ZBTB8B: variants seen among roughly 807,000 people sequenced by gnomAD.
ZBTB8B encodes the protein zinc finger and BTB domain-containing protein 8B.
In ZBTB8B, 17 loss-of-function variants were observed where a neutral mutation model predicts 30.3. The observed-to-expected ratio is 0.56, with a 90% CI of 0.38 to 0.84. ZBTB8B has a LOEUF of 0.84. Among genes scored for constraint, ZBTB8B ranks in the 40% least tolerant of loss-of-function variants. The pLI is 0.00. For synonymous variants in ZBTB8B, 248 were observed against 255.6 expected, an observed-to-expected ratio of 0.97 and a Z score of 0.28; for missense variants, 515 against 644.9, an observed-to-expected ratio of 0.80 and a Z score of 2.18.
intron 2 of ZBTB8B, among the ~76,000 whole-genome samples, chr1:32,478,856 G>C (rs879813278): frequency 1.6e-4 from 25 of 152,210 alleles, no homozygotes; most frequent in Admixed American, 2.6e-4. Context: ...AGTGTTGACA[G>C]AGACCACAAG....
Position 32,480,924 on chromosome 1 carries a change from A to G in ZBTB8B, c.1025A>G (p.Lys342Arg), listed in dbSNP as rs943901700. 2 of 1,551,902 alleles carry G rather than the reference A, an allele frequency of 1.3e-6. No homozygotes were observed. Among genetic ancestry groups the G allele is most frequent in the African/African-American group, 2.7e-5 (2 of 73,056 alleles). ...CTGGTGGTCCCCATCAAGCTCCACAAGTGTCCTTTCTGCCCTTACACTGCC... is the reference window on the plus strand; with the variant it reads ...CTGGTGGTCCCCATCAAGCTCCACAGGTGTCCTTTCTGCCCTTACACTGCC... ...DVLVVPIKLH[K>R]CPFCPYTAKQ... is the part of the protein sequence containing the mutation. The change falls in exon 3 of 4, where the codon AAG (lysine) becomes AGG (arginine). Residue 342 changes from lysine to arginine, a missense_variant. Physicochemically the swap from Lys to Arg is conservative, Grantham distance 26. Transcript: ENST00000609129.
chr1:32,473,271 A>C (rs1643637627), intron 2 of ZBTB8B, among the ~76,000 whole-genome samples: 2 of 151,748 alleles, frequency 1.3e-5, no homozygotes, highest in Non-Finnish European at 2.9e-5. Context: ...GTGCCACCAC[A>C]CTCCAGCCTG....
chr1:32,467,340 C>CT (rs1185590824), intron 1 of ZBTB8B, among the ~76,000 whole-genome samples: 18 of 151,766 alleles, frequency 1.2e-4, no homozygotes, highest in Admixed American at 4.6e-4. Context: ...CCTCCACCGC[C>CT]TCCTGGGTTC....
In ZBTB8B at chr1:32,494,811, T is replaced by C. The variant is rs894236431; in HGVS notation, c.*9393T>C. 3.3e-5 allele frequency: 5 copies of C among 152,194 alleles called. No individual in the cohort carries two copies. Among genetic ancestry groups the C allele is most frequent in the Non-Finnish European group, 7.4e-5 (5 of 68,024 alleles). The allele number at this position is 152,194 out of a possible 1,614,324, so 9.4% of individuals were successfully genotyped here. A position where few individuals can be genotyped will look rare whatever the true frequency, so the allele number is the denominator to read the frequency against. ...CCTCGCTGATTTTTTTCCTTCTTTCTTTTTTGAGACAGAGTTCCACTCTGT... is the reference window on the plus strand; with the variant it reads ...CCTCGCTGATTTTTTTCCTTCTTTCCTTTTTGAGACAGAGTTCCACTCTGT... On this transcript the variant is annotated 3_prime_UTR_variant, in exon 4 of 4. Transcript: ENST00000609129.
intron 2 of ZBTB8B, among the ~76,000 whole-genome samples, chr1:32,476,361 G>C (rs554406635): frequency 6.6e-6 from 1 of 152,104 alleles, no homozygotes; most frequent in East Asian, 1.9e-4. Context: ...CTCTGCACAA[G>C]CCTCAATCCC....
chr1:32,469,070 A>AGT (rs1488243870), intron 1 of ZBTB8B, among the ~76,000 whole-genome samples: 17 of 151,388 alleles, frequency 1.1e-4, no homozygotes, highest in Non-Finnish European at 2.2e-4. Flanking sequence ...AGTGGTATGC[A>AGT]CCTGTAGTCC....
chr1:32,496,600 C>T lies in ZBTB8B; in HGVS notation c.*11182C>T, dbSNP rs1037706314. The stretch of plus-strand genomic sequence containing the variant: ...GGTCTGTTTATATAGGTCAGTGTTG[C>T]CCAGGTTGTATTGTTTTGCTGTTTT... On this transcript the variant is annotated 3_prime_UTR_variant, in exon 4 of 4. Coordinates refer to ENST00000609129, the MANE Select transcript of ZBTB8B (RefSeq NM_001145720.2). 2.0e-5 allele frequency: 3 copies of T among 152,064 alleles called. No homozygotes were observed. Among genetic ancestry groups the T allele is most frequent in the Non-Finnish European group, 4.4e-5 (3 of 68,020 alleles). The allele number at this position is 152,064 out of a possible 1,614,324, so 9.4% of individuals were successfully genotyped here.
rs547419445 is a variant in ZBTB8B, at chr1:32,492,174, A to C, written c.*6756A>C. 1 of 152,110 alleles carries C rather than the reference A, an allele frequency of 6.6e-6. No individual in the cohort carries two copies. The highest frequency in any genetic ancestry group is 2.1e-4 in the South Asian group (1 of 4,796). 9.4% of individuals were successfully genotyped at this position (152,110 alleles called of 1,614,324 possible). ...TTGGTGTCACTCATAATAGGTGAGTATAGTATGTCGTACTGTAGGGACATT... is the reference window on the plus strand; with the variant it reads ...TTGGTGTCACTCATAATAGGTGAGTCTAGTATGTCGTACTGTAGGGACATT... On this transcript the variant is annotated 3_prime_UTR_variant, in exon 4 of 4. Coordinates refer to ENST00000609129, the MANE Select transcript of ZBTB8B (RefSeq NM_001145720.2).
rs957600860 is a variant in ZBTB8B, at chr1:32,490,783, G to T, written c.*5365G>T. ...TTTTTGTATTTTTAGTAGAGACGGG[G>T]TTTCACCGTGTTAGCCAGGATAGTC... On this transcript the variant is annotated 3_prime_UTR_variant, in exon 4 of 4. Transcript: ENST00000609129. 15 of 152,242 alleles carry T rather than the reference G, an allele frequency of 9.9e-5. No homozygotes were observed. The highest frequency in any genetic ancestry group is 3.4e-4 in the African/African-American group (14 of 41,536). The allele number at this position is 152,242 out of a possible 1,614,324, so 9.4% of individuals were successfully genotyped here.
At chr1:32,466,010 C>T (rs1557679703) in intron 1 of ZBTB8B, among the ~76,000 whole-genome samples, 1 of 152,132 alleles carries the variant, frequency 6.6e-6, no homozygotes, top group Non-Finnish European at 1.5e-5. Flanking sequence ...TCGTGCACTC[C>T]AACCTGGGCA....
At chr1:32,468,547 C>T (rs1056509221) in intron 1 of ZBTB8B, among the ~76,000 whole-genome samples, 1 of 152,018 alleles carries the variant, frequency 6.6e-6, no homozygotes, top group Non-Finnish European at 1.5e-5. Context: ...ATGCTTCCAT[C>T]AAAGCCGAAA....
rs1237074519 is a variant in ZBTB8B, at chr1:32,494,699, T to C, written c.*9281T>C. ...TATTGTCCACTTAATATGTGTTCTG[T>C]GTTTGATTGTAATGTATTCATTTTA... On this transcript the variant is annotated 3_prime_UTR_variant, in exon 4 of 4. Transcript: ENST00000609129. 1 of 152,208 alleles carries C rather than the reference T, an allele frequency of 6.6e-6. No homozygotes were observed. The highest frequency in any genetic ancestry group is 6.5e-5 in the Admixed American group (1 of 15,278). The allele number at this position is 152,208 out of a possible 1,614,324, so 9.4% of individuals were successfully genotyped here.
At position 32,471,126 on chromosome 1, in the gene ZBTB8B, A is replaced by T. The variant is rs1463640725; in HGVS notation, c.502A>T (p.Thr168Ser). ...AAGCCCCAGTTCAGGCCGGGAGGGGACCTCCTGTGGTACCAAGAGCTTGGT... is the reference window on the plus strand; with the variant it reads ...AAGCCCCAGTTCAGGCCGGGAGGGGTCCTCCTGTGGTACCAAGAGCTTGGT... ...SESPSSGREGTSCGTKSLVSS... is the reference protein window; with the variant it reads ...SESPSSGREGSSCGTKSLVSS... The change falls in exon 2 of 4, where the codon ACC becomes TCC. Residue 168 changes from threonine to serine, a missense_variant. Coordinates refer to ENST00000609129, the MANE Select transcript of ZBTB8B (RefSeq NM_001145720.2). 1.9e-6 allele frequency: 3 copies of T among 1,551,254 alleles called. No homozygotes were observed. The Admixed American group carries it at 5.9e-5, about 30-fold the overall frequency.
rs1465830819 is a variant in ZBTB8B, at chr1:32,494,902, A to G, written c.*9484A>G. 6.6e-6 allele frequency: 1 copy of G among 152,018 alleles called. No individual in the cohort carries two copies. The highest frequency in any genetic ancestry group is 1.5e-5 in the Non-Finnish European group (1 of 68,010). 9.4% of individuals were successfully genotyped at this position (152,018 alleles called of 1,614,324 possible). The stretch of plus-strand genomic sequence containing the variant: ...CAATCTCCGCCTCCAGAGTTCAAAG[A>G]GTTCTCATGCCTCAGCCTCCTGAGT... On this transcript the variant is annotated 3_prime_UTR_variant, in exon 4 of 4. Coordinates refer to ENST00000609129, the MANE Select transcript of ZBTB8B (RefSeq NM_001145720.2).
At chr1:32,468,562 G>A (rs1355158734) in intron 1 of ZBTB8B, among the ~76,000 whole-genome samples, 1 of 152,226 alleles carries the variant, frequency 6.6e-6, no homozygotes, top group East Asian at 1.9e-4. Flanking sequence ...CCGAAAAAAG[G>A]CACTAGAACC....
intron 2 of ZBTB8B, 41 bp from the exon 3 acceptor site, chr1:32,480,850 C>G (rs746293493): frequency 2.6e-6 from 4 of 1,518,548 alleles, no homozygotes; most frequent in Non-Finnish European, 3.5e-6. Context: ...GGGTTGGTCA[C>G]TGCATACAGC....
chr1:32,467,801 A>G (rs1643583186), intron 1 of ZBTB8B, among the ~76,000 whole-genome samples: 3 of 152,036 alleles, frequency 2.0e-5, no homozygotes, highest in Non-Finnish European at 4.4e-5. Flanking sequence ...GGAGTCTCCC[A>G]GTTGCATGAA....
chr1:32,485,519 A>G lies in ZBTB8B; in HGVS notation c.*101A>G, dbSNP rs1004803947. On this transcript the variant is annotated 3_prime_UTR_variant, in exon 4 of 4. Transcript: ENST00000609129. ...AATTTTGTGGAACCCTGAGAGGAACATTTTTTCACTGTTATTATATGTGCA... is the reference window on the plus strand; with the variant it reads ...AATTTTGTGGAACCCTGAGAGGAACGTTTTTTCACTGTTATTATATGTGCA... 2 of 1,164,250 alleles carry G rather than the reference A, an allele frequency of 1.7e-6. No homozygotes were observed. Among genetic ancestry groups the G allele is most frequent in the African/African-American group, 3.1e-5 (2 of 64,358 alleles). The allele number at this position is 1,164,250 out of a possible 1,614,324, so 72.1% of individuals were successfully genotyped here.
At chr1:32,468,414 C>A (rs2148179411) in intron 1 of ZBTB8B, among the ~76,000 whole-genome samples, 1 of 152,292 alleles carries the variant, frequency 6.6e-6, no homozygotes, top group African/African-American at 2.4e-5. Context: ...ATCTCCGAGC[C>A]AATCACTGTG....
Sources: gnomAD v4.1 joint callset for allele counts (sites outside exome capture counted in the v4.1 genomes callset) on GRCh38, gnomAD v4.1.1 for gene constraint, MANE v1.5 for transcripts, NCBI Gene and HGNC (gene_info 2026-07-23, HGNC 2026-07-21) for gene names.